GALK2: variants seen among roughly 807,000 people sequenced by gnomAD.
GALK2 encodes N-acetylgalactosamine kinase.
A neutral mutation model predicts 52.4 loss-of-function variants in GALK2; 36 were observed. The observed-to-expected ratio is 0.69, with a 90% CI of 0.53 to 0.91. GALK2 has a LOEUF of 0.91. GALK2 is among the 40% of genes least tolerant of loss of function. GALK2 has a pLI of 0.00. For missense variants in GALK2, 579 were observed against 559.1 expected (o/e 1.04, Z -0.36); for synonymous variants, 176 against 199.1 (o/e 0.88, Z 0.98).
chr15:49,338,473 T>C (rs565087179), intron 3 of GALK2, among the ~76,000 whole-genome samples: 9 of 152,254 alleles, frequency 5.9e-5, no homozygotes, highest in African/African-American at 1.2e-4. Flanking sequence ...TTCTGGTTTG[T>C]AGGGTTTCTG....
At chr15:49,299,377 C>G (rs188774117) in intron 8 of GALK2, among the ~76,000 whole-genome samples, 1 of 152,200 alleles carries the variant, frequency 6.6e-6, no homozygotes, top group East Asian at 1.9e-4. Flanking sequence ...TTTTATGTCT[C>G]AATTTCATTT....
At chr15:49,275,880 A>G (rs1284220276) in intron 5 of GALK2, among the ~76,000 whole-genome samples, 1 of 152,216 alleles carries the variant, frequency 6.6e-6, no homozygotes, top group Non-Finnish European at 1.5e-5. Context: ...ACTGGCATGC[A>G]GATGGATAAA....
intron 3 of GALK2, among the ~76,000 whole-genome samples, chr15:49,348,019 C>CAAAAAAA (rs67614443): frequency 2.9e-5 from 2 of 70,100 alleles, no homozygotes; most frequent in African/African-American, 1.1e-4. Context: ...AACTCTGTCT[C>CAAAAAAA]AAAAAAAAAA....
At chr15:49,282,960 C>CT (rs1240124219) in intron 6 of GALK2, among the ~76,000 whole-genome samples, 2 of 152,184 alleles carry the variant, frequency 1.3e-5, no homozygotes, top group Non-Finnish European at 2.9e-5. Context: ...TGAACACAGT[C>CT]TAAGTTCTTT....
chr15:49,335,170 G>T (rs1048205027), downstream of GALK2, among the ~76,000 whole-genome samples: 1 of 152,090 alleles, frequency 6.6e-6, no homozygotes, highest in Non-Finnish European at 1.5e-5. Flanking sequence ...GCCTCTTCCT[G>T]TTGGGGTGCA....
chr15:49,289,476 T>A (rs570254827), intron 7 of GALK2, among the ~76,000 whole-genome samples: 2 of 152,138 alleles, frequency 1.3e-5, no homozygotes, highest in East Asian at 3.9e-4. Flanking sequence ...ACCCAGGGAG[T>A]CTCAGACCAA....
At chr15:49,259,558 A>T (rs1258771508) in intron 5 of GALK2, among the ~76,000 whole-genome samples, 1 of 144,866 alleles carries the variant, frequency 6.9e-6, no homozygotes, top group Non-Finnish European at 1.5e-5. Context: ...CATGGTGTAT[A>T]TGTGCCACAT....
At chr15:49,279,228 T>C (rs916868282) in intron 5 of GALK2, among the ~76,000 whole-genome samples, 2 of 152,192 alleles carry the variant, frequency 1.3e-5, no homozygotes, top group African/African-American at 4.8e-5. Context: ...ACATAATAAG[T>C]GCTCAATAAA....
At chr15:49,206,152 G>A (rs2088262809) in intron 2 of GALK2, among the ~76,000 whole-genome samples, 1 of 152,110 alleles carries the variant, frequency 6.6e-6, no homozygotes, top group African/African-American at 2.4e-5. Context: ...GGTATAGTTT[G>A]AAATCAGGTA....
At position 49,318,761 on chromosome 15, in the gene GALK2, C is replaced by T. The variant is rs184399551; in HGVS notation, c.968-843C>T. On this transcript the variant is annotated intron_variant, in intron 8 of 9. Transcript: ENST00000560031. ...TTTCCAGTGGTCCTTTCTGTTGGGG[C>T]AGAGTGGAAAGAACATGGCTCTAGG... Among the ~76,000 whole-genome samples the T allele has an allele frequency of 6.4e-3, 967 of 152,166 alleles. 15 individuals are homozygous for T. The highest frequency in any genetic ancestry group is 0.022 in the African/African-American group (911 of 41,526).
intron 3 of GALK2, among the ~76,000 whole-genome samples, chr15:49,228,688 T>TATATATATATATACACATATA: frequency 9.6e-5 from 1 of 10,452 alleles, no homozygotes; most frequent in African/African-American, 3.4e-4. Context: ...TATATATATA[T>TATATATATATATACACATATA]TTTTTTTTTT....
intron 2 of GALK2, among the ~76,000 whole-genome samples, chr15:49,204,489 G>C (rs2088096885): frequency 6.6e-6 from 1 of 151,880 alleles, no homozygotes; most frequent in Admixed American, 6.6e-5. Flanking sequence ...CCACTTTTTT[G>C]TATCCTCTTC....
intron 1 of GALK2, among the ~76,000 whole-genome samples, chr15:49,164,008 A>G (rs949820490): frequency 6.6e-6 from 1 of 152,154 alleles, no homozygotes; most frequent in Admixed American, 6.5e-5. Flanking sequence ...CTCCTTTTGT[A>G]TTAGTAAAGT....
chr15:49,217,373 C>T, intron 3 of GALK2, 60 bp downstream of exon 3: 1 of 1,550,362 alleles, frequency 6.5e-7, no homozygotes. Flanking sequence ...CCCAAATGAA[C>T]TCTTTAGGAG....
intron 5 of GALK2, among the ~76,000 whole-genome samples, chr15:49,246,112 G>A (rs138436874): frequency 1.3e-5 from 2 of 152,108 alleles, no homozygotes; most frequent in Non-Finnish European, 2.9e-5. Context: ...AAAATCTTTC[G>A]CCAAGAAAAT....
At chr15:49,159,182 C>T (rs1180146706) in intron 1 of GALK2, among the ~76,000 whole-genome samples, 1 of 152,146 alleles carries the variant, frequency 6.6e-6, no homozygotes, top group Non-Finnish European at 1.5e-5. Context: ...TGTACCCGTG[C>T]ACCATAATTC....
downstream of GALK2, chr15:49,335,575 A>T: frequency 1.0e-6 from 1 of 1,004,096 alleles, no homozygotes; most frequent in Non-Finnish European, 1.6e-6. Context: ...AGAGGAACCA[A>T]GGGGACCGTG....
chr15:49,199,694 C>A (rs1315888513), intron 1 of GALK2, among the ~76,000 whole-genome samples: 1 of 152,096 alleles, frequency 6.6e-6, no homozygotes, highest in Non-Finnish European at 1.5e-5. Flanking sequence ...GAAACGTAAT[C>A]AGTTAGTATA....
At chr15:49,337,539 ATTATACT>A (rs954320926) in intron 3 of GALK2, among the ~76,000 whole-genome samples, 4 of 47,110 alleles carry the variant, frequency 8.5e-5, no homozygotes, top group African/African-American at 3.3e-4. Context: ...TTTTTTTAGT[ATTATACT>A]TTAAGTTCTG....
Sources: gnomAD v4.1 joint callset for allele counts (sites outside exome capture counted in the v4.1 genomes callset) on GRCh38, gnomAD v4.1.1 for gene constraint, MANE v1.5 for transcripts, NCBI Gene and HGNC (gene_info 2026-07-23, HGNC 2026-07-21) for gene names.